The following SLC17A3 variants were observed in gnomAD, a reference collection of about 807,000 sequenced individuals.
The protein encoded by SLC17A3 is sodium-dependent phosphate transport protein 4.
In SLC17A3, 61 loss-of-function variants were observed where a neutral mutation model predicts 60.3. The observed-to-expected ratio is 1.01, with a 90% CI of 0.82 to 1.25. The LOEUF is 1.25. Among genes scored for constraint, SLC17A3 ranks in the 50% most tolerant of loss-of-function variants. SLC17A3 has a pLI of 0.00. For synonymous variants in SLC17A3, 192 were observed against 208.9 expected (o/e 0.92, Z 0.70); for missense variants, 624 against 594.9 (o/e 1.05, Z -0.51).
At chr6:25,856,653 T>G (rs1186313) in intron 5 of SLC17A3, among the ~76,000 whole-genome samples, 1 of 151,472 alleles carries the variant, frequency 6.6e-6, no homozygotes, top group Non-Finnish European at 1.5e-5. Context: ...CGAGACCAGC[T>G]TGGCCAACAT....
intron 2 of SLC17A3, among the ~76,000 whole-genome samples, chr6:25,865,301 A>G (rs1765517013): frequency 6.6e-6 from 1 of 151,996 alleles, no homozygotes; most frequent in African/African-American, 2.4e-5. Context: ...TGTGGGATAA[A>G]GAGGTGCCTT....
At chr6:25,871,858 A>C (rs931011962) in intron 1 of SLC17A3, among the ~76,000 whole-genome samples, 19 of 152,016 alleles carry the variant, frequency 1.2e-4, no homozygotes, top group Non-Finnish European at 2.2e-4. Flanking sequence ...GAAACAACCA[A>C]ACAGACATAT....
chr6:25,849,253 A>T, intron 11 of SLC17A3, 121 bp downstream of exon 11: 1 of 701,224 alleles, frequency 1.4e-6, no homozygotes, highest in Non-Finnish European at 2.6e-6. Context: ...TAGCAGGTTC[A>T]TCTTAATGAC....
intron 6 of SLC17A3, 118 bp downstream of exon 6, chr6:25,855,026 G>T: frequency 1.3e-6 from 1 of 752,366 alleles, no homozygotes; most frequent in Non-Finnish European, 2.3e-6. Flanking sequence ...AAGATATTTG[G>T]TTTTCTAGGA....
chr6:25,867,820 A>C (rs1041227086), intron 2 of SLC17A3, among the ~76,000 whole-genome samples: 1 of 151,970 alleles, frequency 6.6e-6, no homozygotes, highest in Non-Finnish European at 1.5e-5. Context: ...CTGTCAAGTT[A>C]GAAAATATAC....
intron 5 of SLC17A3, among the ~76,000 whole-genome samples, chr6:25,856,795 C>T (rs898266673): frequency 3.4e-5 from 5 of 149,098 alleles, no homozygotes; most frequent in African/African-American, 9.9e-5. Flanking sequence ...TGCAGTGAGC[C>T]GAGATTGCGC....
chr6:25,845,409 AG>A lies in SLC17A3; in HGVS notation c.1469del (p.Ala490ValfsTer61). 6.2e-7 allele frequency: 1 copy of A among 1,614,020 alleles called. No individual in the cohort carries two copies. The highest frequency in any genetic ancestry group is 8.5e-7 in the Non-Finnish European group (1 of 1,179,948). On this transcript the variant is annotated frameshift_variant, in exon 12 of 13. Coordinates refer to ENST00000397060, the MANE Select transcript of SLC17A3 (RefSeq NM_001098486.2). LOFTEE classifies it high-confidence loss of function. ...ATAAACGAGTGAGTTTTCTCTCTTT[AG>A]CCCATTCTTGGACATCTGCTTCTCC... The part of the protein sequence containing the change: ...IFGEADVQEW[A>X]KERKLTRL
chr6:25,867,338 G>A (rs1165206), intron 2 of SLC17A3, among the ~76,000 whole-genome samples: 83,202 of 151,600 alleles, frequency 0.55, 25,802 homozygotes, highest in African/African-American at 0.84. Flanking sequence ...ACCATACCAT[G>A]AATAAAATCA....
intron 5 of SLC17A3, among the ~76,000 whole-genome samples, chr6:25,860,353 G>A (rs1765426824): frequency 6.6e-6 from 1 of 152,076 alleles, no homozygotes; most frequent in Non-Finnish European, 1.5e-5. Flanking sequence ...TCCACTAAAG[G>A]CAGGTGCCTT....
chr6:25,850,400 G>A, intron 8 of SLC17A3, 59 bp downstream of exon 8: 1 of 1,526,634 alleles, frequency 6.6e-7, no homozygotes, highest in Non-Finnish European at 9.1e-7. Flanking sequence ...GATTAGTGAG[G>A]GCAGAGTAAT....
At chr6:25,850,364 TAAG>T (rs1765252832) in intron 8 of SLC17A3, 92 bp downstream of exon 8, 1 of 1,434,808 alleles carries the variant, frequency 7.0e-7, no homozygotes, top group African/African-American at 1.4e-5. Context: ...TTTTTGGTAA[TAAG>T]AAATACATTT....
intron 11 of SLC17A3, among the ~76,000 whole-genome samples, chr6:25,847,392 T>C (rs1258306111): frequency 6.6e-6 from 1 of 152,194 alleles, no homozygotes; most frequent in African/African-American, 2.4e-5. Flanking sequence ...TGTGTCTTTA[T>C]GGTAGAATAA....
chr6:25,849,786 G>A lies in SLC17A3; in HGVS notation c.1271+19C>T. 4 of 1,610,894 alleles carry A rather than the reference G, an allele frequency of 2.5e-6. No individual in the cohort carries two copies. Among genetic ancestry groups the A allele is most frequent in the Non-Finnish European group, 3.4e-6 (4 of 1,177,146 alleles). On this transcript the variant is annotated intron_variant, in intron 10 of 12. Coordinates refer to ENST00000397060, the MANE Select transcript of SLC17A3 (RefSeq NM_001098486.2). ...TTTTAAAGAAAATGTGAAACTGATAGTGGAGATCAGAGTCCTACCTTGGAG... is the reference window on the plus strand; with the variant it reads ...TTTTAAAGAAAATGTGAAACTGATAATGGAGATCAGAGTCCTACCTTGGAG...
rs148170965 is a variant in SLC17A3, at chr6:25,868,352, C to G, written c.36G>C (p.Arg12Ser). 1 of 1,611,956 alleles carries G rather than the reference C, an allele frequency of 6.2e-7. No individual in the cohort carries two copies. The highest frequency in any genetic ancestry group is 1.3e-5 in the African/African-American group (1 of 74,720). Residue 12 changes from arginine (R) to serine (S), a missense_variant, in exon 2 of 13, where the codon AGG becomes AGC. Transcript: ENST00000397060. ...GCATATCTTGTGCGTTCTTGCTCTCCCTTGCTGTGGGACTCAACTCTGTCT... is the reference window on the plus strand; with the variant it reads ...GCATATCTTGTGCGTTCTTGCTCTCGCTTGCTGTGGGACTCAACTCTGTCT... The part of the protein sequence containing the change: ...ATKTELSPTA[R>S]ESKNAQDMQV...
chr6:25,868,069 C>A (rs1765567650), intron 2 of SLC17A3, among the ~76,000 whole-genome samples: 1 of 151,752 alleles, frequency 6.6e-6, no homozygotes, highest in Non-Finnish European at 1.5e-5. Context: ...TAGCAATTAT[C>A]AAGAATGTAA....
At position 25,849,884 on chromosome 6, in the gene SLC17A3, C is replaced by T. The variant is rs777792762; in HGVS notation, c.1192G>A (p.Ala398Thr). 4.3e-6 allele frequency: 7 copies of T among 1,613,608 alleles called. No individual in the cohort carries two copies. Among genetic ancestry groups the T allele is most frequent in the Non-Finnish European group, 5.9e-6 (7 of 1,179,494 alleles). ...YLNSGYITAT[A>T]LLTLSCGLST... ...AATCCGCAAGAGAGCGTCAGCAAGGCAGTTGCTGTGATATAGCCGGAATTG... is the reference window on the plus strand; with the variant it reads ...AATCCGCAAGAGAGCGTCAGCAAGGTAGTTGCTGTGATATAGCCGGAATTG... Residue 398 changes from alanine (A) to threonine (T), a missense_variant, in exon 10 of 13, where the codon GCC (alanine) becomes ACC (threonine). Physicochemically the swap from Ala to Thr is moderately conservative, Grantham distance 58 (BLOSUM62 0). Coordinates refer to ENST00000397060, the MANE Select transcript of SLC17A3 (RefSeq NM_001098486.2).
intron 6 of SLC17A3, among the ~76,000 whole-genome samples, chr6:25,854,463 G>C (rs1765328046): frequency 6.6e-6 from 1 of 151,998 alleles, no homozygotes. Flanking sequence ...TAACATCTTT[G>C]TTCCCTGGAC....
intron 5 of SLC17A3, among the ~76,000 whole-genome samples, chr6:25,856,708 G>A (rs552125590): frequency 1.3e-4 from 20 of 152,096 alleles, no homozygotes; most frequent in Non-Finnish European, 2.6e-4. Flanking sequence ...TTAGCTGGGC[G>A]TTCTCAGGGG....
At chr6:25,862,072 G>T (rs1007972931) in intron 3 of SLC17A3, 43 bp from the exon 4 acceptor site, 4 of 1,499,078 alleles carry the variant, frequency 2.7e-6, no homozygotes, top group South Asian at 1.2e-5. Context: ...TACACAAAAA[G>T]GTTCTTACAT....
Sources: allele counts gnomAD v4.1 joint callset (sites outside exome capture counted in the v4.1 genomes callset), GRCh38; gene constraint gnomAD v4.1.1; transcripts MANE v1.5; gene names NCBI Gene and HGNC (gene_info 2026-07-23, HGNC 2026-07-21).